Variants in NHLRC2 observed in about 807,000 individuals in gnomAD.
NHLRC2 encodes NHL repeat-containing protein 2.
Under a neutral mutation model 68.1 loss-of-function variants are expected in NHLRC2, and 33 were observed. That is an observed-to-expected ratio of 0.48 (90% confidence interval 0.37 to 0.65). NHLRC2 has a LOEUF of 0.65. Among genes scored for constraint, NHLRC2 ranks in the 30% least tolerant of loss-of-function variants. The pLI is 0.00. For missense variants in NHLRC2, 761 were observed against 853.8 expected (o/e 0.89, Z 1.35); for synonymous variants, 311 against 309.6 (o/e 1.00, Z -0.05).
chr10:113,886,880 A>C (rs757908387), intron 5 of NHLRC2, among the ~76,000 whole-genome samples: 1 of 152,220 alleles, frequency 6.6e-6, no homozygotes, highest in African/African-American at 2.4e-5. Flanking sequence ...GTGGGATTGC[A>C]TCAAACTAAA....
At chr10:113,893,276 G>A (rs149642924) in intron 5 of NHLRC2, among the ~76,000 whole-genome samples, 2 of 152,224 alleles carry the variant, frequency 1.3e-5, no homozygotes, top group African/African-American at 4.8e-5. Context: ...GGCAGAAGGA[G>A]GGTGAAAAAC....
At chr10:113,874,218 T>G (rs1845957215) in intron 2 of NHLRC2, among the ~76,000 whole-genome samples, 1 of 152,236 alleles carries the variant, frequency 6.6e-6, no homozygotes, top group Non-Finnish European at 1.5e-5. Context: ...GGTACTATGC[T>G]AAATGCCTTA....
In NHLRC2 at chr10:113,854,844, G is replaced by C; in HGVS notation, c.-29G>C. On this transcript the variant is annotated 5_prime_UTR_variant, in exon 1 of 11. Transcript: ENST00000369301. ...CCCAGCGAGACTCTCCCGCGGGCCC[G>C]GCGGCCGCATCGGGAGCCCGGCGGA... The C allele has an allele frequency of 4.6e-6, 7 of 1,527,518 alleles. No individual in the cohort carries two copies. Among genetic ancestry groups the C allele is most frequent in the Non-Finnish European group, 5.3e-6 (6 of 1,137,734 alleles). The allele number at this position is 1,527,518 out of a possible 1,614,324, so 94.6% of individuals were successfully genotyped here. A position where few individuals can be genotyped will look rare whatever the true frequency, so the allele number is the denominator to read the frequency against.
intron 2 of NHLRC2, among the ~76,000 whole-genome samples, chr10:113,864,428 G>A (rs186150875): frequency 6.6e-6 from 1 of 152,244 alleles, no homozygotes; most frequent in East Asian, 1.9e-4. Flanking sequence ...AGCCAGGCGT[G>A]GTGTCTCACG....
At chr10:113,887,049 G>GA (rs1846089130) in intron 5 of NHLRC2, among the ~76,000 whole-genome samples, 1 of 152,120 alleles carries the variant, frequency 6.6e-6, no homozygotes. Flanking sequence ...AAAATATAGG[G>GA]AAAGGGTATC....
At chr10:113,867,735 G>GGTTTTT (rs547828990) in intron 2 of NHLRC2, among the ~76,000 whole-genome samples, 288 of 152,108 alleles carry the variant, frequency 1.9e-3, no homozygotes, top group African/African-American at 6.1e-3. Flanking sequence ...CTCCATTACA[G>GGTTTTT]GTTTTTGTTT....
chr10:113,893,012 A>G (rs1846146176), intron 5 of NHLRC2, among the ~76,000 whole-genome samples: 1 of 152,244 alleles, frequency 6.6e-6, no homozygotes, highest in Non-Finnish European at 1.5e-5. Flanking sequence ...TTTGTCATAA[A>G]GTGTCATGAA....
At chr10:113,885,071 A>G (rs1457214076) in intron 5 of NHLRC2, among the ~76,000 whole-genome samples, 1 of 151,878 alleles carries the variant, frequency 6.6e-6, no homozygotes, top group African/African-American at 2.4e-5. Flanking sequence ...GAATATGTCG[A>G]AAATGTAATT....
chr10:113,915,575 G>A lies in NHLRC2; in HGVS notation c.*7039G>A, dbSNP rs1846375516. 4.1e-6 allele frequency: 1 copy of A among 245,426 alleles called. No homozygotes were observed. Among genetic ancestry groups the A allele is most frequent in the Non-Finnish European group, 8.0e-6 (1 of 124,734 alleles). 15.2% of individuals were successfully genotyped at this position (245,426 alleles called of 1,614,324 possible). A position where few individuals can be genotyped will look rare whatever the true frequency, so the allele number is the denominator to read the frequency against. On this transcript the variant is annotated 3_prime_UTR_variant, in exon 11 of 11. Transcript: ENST00000369301. ...GGAGACCTCAAACTGATGCTGAGAA[G>A]TAGACAAAATCAGCTCTCAGACTTA...
At chr10:113,859,710 A>G (rs1845798015) in intron 2 of NHLRC2, among the ~76,000 whole-genome samples, 2 of 152,224 alleles carry the variant, frequency 1.3e-5, no homozygotes, top group Non-Finnish European at 2.9e-5. Context: ...TGTTCAAGAC[A>G]TCACGTTTAT....
rs753274339 is a variant in NHLRC2 at position 113,858,500 on chromosome 10, A to G, written c.179-28A>G. On this transcript the variant is annotated intron_variant, in intron 1 of 10. Transcript: ENST00000369301. ...GTAAATTTTATCTTTCTCTTTAATC[A>G]TTGTAATTTATTTTATGTAAATTTC... The G allele has an allele frequency of 5.4e-6, 8 of 1,493,990 alleles. No individual in the cohort carries two copies. In the South Asian group the frequency reaches 8.4e-5, roughly 16 times the overall value. The allele number at this position is 1,493,990 out of a possible 1,614,324, so 92.5% of individuals were successfully genotyped here. A position where few individuals can be genotyped will look rare whatever the true frequency, so the allele number is the denominator to read the frequency against.
intron 2 of NHLRC2, among the ~76,000 whole-genome samples, chr10:113,860,604 A>G (rs1845806192): frequency 6.6e-6 from 1 of 152,194 alleles, no homozygotes; most frequent in Non-Finnish European, 1.5e-5. Flanking sequence ...TACCTGATAC[A>G]TATCTATGAG....
rs1304881373 is a variant in NHLRC2, at chr10:113,909,577, A to G, written c.*1041A>G. 1 of 152,152 alleles carries G rather than the reference A, an allele frequency of 6.6e-6. No homozygotes were observed. 9.4% of individuals were successfully genotyped at this position (152,152 alleles called of 1,614,324 possible). On this transcript the variant is annotated 3_prime_UTR_variant, in exon 11 of 11. Coordinates refer to ENST00000369301, the MANE Select transcript of NHLRC2 (RefSeq NM_198514.4). ...TGAGGTGCTTTCATGCTATTAATAG[A>G]TACAGTATATCCTAATATATTAGTC...
At chr10:113,877,641 A>G (rs1352735274) in intron 3 of NHLRC2, among the ~76,000 whole-genome samples, 1 of 152,168 alleles carries the variant, frequency 6.6e-6, no homozygotes, top group Non-Finnish European at 1.5e-5. Context: ...ATTCTTATTA[A>G]TCTTTCTTAT....
At chr10:113,861,187 A>C (rs956139418) in intron 2 of NHLRC2, among the ~76,000 whole-genome samples, 1 of 152,182 alleles carries the variant, frequency 6.6e-6, no homozygotes, top group African/African-American at 2.4e-5. Context: ...GGAAGAGAAA[A>C]CAGAGCCTAA....
intron 1 of NHLRC2, 40 bp from the exon 2 acceptor site, chr10:113,858,488 T>G (rs1845782911): frequency 1.4e-6 from 2 of 1,435,454 alleles, no homozygotes; most frequent in African/African-American, 2.9e-5. Flanking sequence ...AATTTTATCT[T>G]TCTCTTTAAT....
In NHLRC2 at chr10:113,884,963, G is replaced by A. The variant is rs547813638; in HGVS notation, c.1039+583G>A. 1.1e-4 allele frequency among the ~76,000 whole-genome samples: 17 copies of A among 151,784 alleles called. No homozygotes were observed. The South Asian group carries it at 3.3e-3, about 30-fold the overall frequency. ...TATTAATTGACTAAAAGAAGTCCAG[G>A]AGTACTCTTATTAGTATTTTTATTT... On this transcript the variant is annotated intron_variant, in intron 5 of 10. Transcript: ENST00000369301.
chr10:113,884,229 A>C, intron 4 of NHLRC2, 22 bp from the exon 5 acceptor site: 1 of 1,599,968 alleles, frequency 6.3e-7, no homozygotes, highest in East Asian at 2.2e-5. Context: ...ATTGCATAAA[A>C]CCATCCTTTG....
intron 4 of NHLRC2, among the ~76,000 whole-genome samples, chr10:113,883,437 A>G (rs1474539792): frequency 6.6e-6 from 1 of 151,902 alleles, no homozygotes; most frequent in Admixed American, 6.6e-5. Flanking sequence ...GAAGTAAGGA[A>G]AATTTCTGTC....
Sources: allele counts gnomAD v4.1 joint callset (sites outside exome capture counted in the v4.1 genomes callset), GRCh38; gene constraint gnomAD v4.1.1; transcripts MANE v1.5; gene names NCBI Gene and HGNC (gene_info 2026-07-23, HGNC 2026-07-21).